The following PTPRD variants were observed in gnomAD, a reference collection of about 807,000 sequenced individuals.
PTPRD encodes the protein receptor-type tyrosine-protein phosphatase delta.
PTPRD carries 34 observed loss-of-function variants against 214.5 expected under a neutral mutation model. That is an observed-to-expected ratio of 0.16 (90% CI 0.12 to 0.21). The LOEUF (loss-of-function observed/expected upper bound fraction) is 0.21, where lower values mean the gene tolerates loss of function less well. Among genes scored for constraint, PTPRD ranks in the 10% least tolerant of loss-of-function variants. PTPRD has a pLI of 1.00. For synonymous variants in PTPRD, 1,128 were observed against 845.7 expected (o/e 1.33, Z -5.79); for missense variants, 2,545 against 2,398.7 (o/e 1.06, Z -1.27).
At chr9:9,675,998 T>C (rs2096921296) in intron 7 of PTPRD, among the ~76,000 whole-genome samples, 1 of 151,928 alleles carries the variant, frequency 6.6e-6, no homozygotes, top group African/African-American at 2.4e-5. Flanking sequence ...ATTGCAAGGG[T>C]TCTGTAGCAC....
At chr9:8,864,637 T>C (rs1490421693) in intron 11 of PTPRD, among the ~76,000 whole-genome samples, 2 of 152,178 alleles carry the variant, frequency 1.3e-5, no homozygotes, top group South Asian at 4.1e-4. Flanking sequence ...ATACCACACG[T>C]TGATTTTCAC....
intron 11 of PTPRD, among the ~76,000 whole-genome samples, chr9:8,752,874 A>G (rs6477347): frequency 0.049 from 7,414 of 152,278 alleles, 452 homozygotes; most frequent in African/African-American, 0.14. Flanking sequence ...TTAAGTGGGT[A>G]CTGGGTTAAG....
At chr9:9,181,634 C>T (rs1010618602) in intron 10 of PTPRD, among the ~76,000 whole-genome samples, 3 of 151,950 alleles carry the variant, frequency 2.0e-5, no homozygotes, top group African/African-American at 7.2e-5. Flanking sequence ...AATGAGAAAT[C>T]TCAGGCACAA....
chr9:8,784,624 G>C (rs1157122595), intron 11 of PTPRD, among the ~76,000 whole-genome samples: 1 of 141,684 alleles, frequency 7.1e-6, no homozygotes, highest in Non-Finnish European at 1.6e-5. Flanking sequence ...TTAAGAGTGT[G>C]CCTCTGAGAA....
intron 14 of PTPRD, among the ~76,000 whole-genome samples, chr9:8,614,554 A>G (rs2095549872): frequency 2.0e-5 from 3 of 152,166 alleles, no homozygotes; most frequent in Admixed American, 1.3e-4. Flanking sequence ...GGACTGAGTC[A>G]ATTTCATTTT....
chr9:8,668,250 G>C (rs374553422), intron 12 of PTPRD, among the ~76,000 whole-genome samples: 6 of 152,254 alleles, frequency 3.9e-5, no homozygotes, highest in African/African-American at 1.4e-4. Flanking sequence ...TTTATTCTTT[G>C]TAGTAAAATC....
intron 4 of PTPRD, among the ~76,000 whole-genome samples, chr9:10,001,869 C>T (rs1230759212): frequency 6.6e-6 from 1 of 151,926 alleles, no homozygotes; most frequent in Admixed American, 6.6e-5. Context: ...AGAGTACAGA[C>T]AAACAAACAA....
intron 8 of PTPRD, among the ~76,000 whole-genome samples, chr9:9,490,801 A>G (rs1177943113): frequency 1.3e-5 from 2 of 151,964 alleles, no homozygotes; most frequent in African/African-American, 4.8e-5. Context: ...TGATGCAGGA[A>G]ATGAGGGACA....
At chr9:9,638,868 G>T (rs1394647105) in intron 7 of PTPRD, among the ~76,000 whole-genome samples, 1 of 152,096 alleles carries the variant, frequency 6.6e-6, no homozygotes, top group Non-Finnish European at 1.5e-5. Flanking sequence ...TATGAATGCT[G>T]CATCCTCCAA....
chr9:10,079,828 C>T (rs951701089), intron 3 of PTPRD, among the ~76,000 whole-genome samples: 1 of 151,956 alleles, frequency 6.6e-6, no homozygotes, highest in Non-Finnish European at 1.5e-5. Flanking sequence ...CTATTGTCAC[C>T]GACCCTAAAG....
At chr9:9,692,802 T>G (rs2097298476) in intron 7 of PTPRD, among the ~76,000 whole-genome samples, 1 of 151,996 alleles carries the variant, frequency 6.6e-6, no homozygotes, top group African/African-American at 2.4e-5. Flanking sequence ...CTCTTAAATT[T>G]CTTTCATCAG....
At chr9:9,601,890 G>A (rs150923672) in intron 7 of PTPRD, among the ~76,000 whole-genome samples, 45 of 152,134 alleles carry the variant, frequency 3.0e-4, no homozygotes, top group African/African-American at 1.1e-3. Flanking sequence ...AGTCTTTGGG[G>A]TGAGCATGTA....
At chr9:10,205,211 T>C (rs1334555500) in intron 3 of PTPRD, among the ~76,000 whole-genome samples, 1 of 151,994 alleles carries the variant, frequency 6.6e-6, no homozygotes, top group Non-Finnish European at 1.5e-5. Flanking sequence ...GATTTATCTT[T>C]AAAGTTTTAT....
intron 3 of PTPRD, among the ~76,000 whole-genome samples, chr9:10,195,582 C>G (rs542597528): frequency 6.6e-6 from 1 of 152,256 alleles, no homozygotes; most frequent in South Asian, 2.1e-4. Flanking sequence ...GTGGCTCACG[C>G]CTGTGATCCC....
intron 5 of PTPRD, among the ~76,000 whole-genome samples, chr9:9,817,220 C>G (rs141023683): frequency 6.6e-6 from 1 of 152,134 alleles, no homozygotes; most frequent in African/African-American, 2.4e-5. Context: ...AATCTTAAAA[C>G]TCATTGCTAA....
chr9:9,941,613 G>A (rs2091468652), intron 4 of PTPRD, among the ~76,000 whole-genome samples: 2 of 152,198 alleles, frequency 1.3e-5, no homozygotes, highest in Non-Finnish European at 2.9e-5. Flanking sequence ...GTGAGCCACT[G>A]AGCCCAGCCA....
chr9:8,504,342 A>G lies in PTPRD; in HGVS notation c.1741T>C (p.Tyr581His). The part of the protein sequence containing the change: ...RLQGLKPNSL[Y>H]YFRLAARSPQ... ...GAGCGTGCAGCCAGACGGAAATAGT[A>G]TAAGCTGTTTGGTTTCAGTCCTTGC... The change falls in exon 23 of 46, where the codon TAC (tyrosine) becomes CAC (histidine). Residue 581 changes from tyrosine to histidine, a missense_variant. By Grantham distance (83) the Tyr-to-His change is moderately conservative (BLOSUM62 2). Coordinates refer to ENST00000381196, the MANE Select transcript of PTPRD (RefSeq NM_002839.4). 6.2e-7 allele frequency: 1 copy of G among 1,614,190 alleles called. No homozygotes were observed. The highest frequency in any genetic ancestry group is 8.5e-7 in the Non-Finnish European group (1 of 1,179,996).
intron 2 of PTPRD, among the ~76,000 whole-genome samples, chr9:10,503,444 A>AT (rs534954337): frequency 3.9e-5 from 6 of 151,976 alleles, no homozygotes; most frequent in East Asian, 3.9e-4. Flanking sequence ...AATCAAGTCA[A>AT]TTTTTTTATT....
At chr9:8,555,521 A>G (rs561760277) in intron 14 of PTPRD, among the ~76,000 whole-genome samples, 31 of 152,368 alleles carry the variant, frequency 2.0e-4, no homozygotes, top group African/African-American at 6.0e-4. Flanking sequence ...GTATTTCCCC[A>G]TGGGTAATTT....
Sources: allele counts gnomAD v4.1 joint callset (sites outside exome capture counted in the v4.1 genomes callset), GRCh38; gene constraint gnomAD v4.1.1; transcripts MANE v1.5; gene names NCBI Gene and HGNC (gene_info 2026-07-23, HGNC 2026-07-21).